COP1: variants seen among roughly 807,000 people sequenced by gnomAD.
The protein encoded by COP1 is COP1 E3 ubiquitin ligase.
A neutral mutation model predicts 101.3 loss-of-function variants in COP1; 24 were observed. That is an observed-to-expected ratio of 0.24 (90% confidence interval 0.17 to 0.33). The LOEUF (loss-of-function observed/expected upper bound fraction) is 0.33, where lower values mean the gene tolerates loss of function less well. Among genes scored for constraint, COP1 ranks in the 10% least tolerant of loss-of-function variants. COP1 has a pLI of 1.00. For synonymous variants in COP1, 347 were observed against 341.9 expected (o/e 1.01, Z -0.17); for missense variants, 663 against 906.2 (o/e 0.73, Z 3.45).
chr1:176,202,229 G>T (rs6672230), intron 1 of COP1, among the ~76,000 whole-genome samples: 2,325 of 129,582 alleles, frequency 0.018, 65 homozygotes, highest in African/African-American at 0.064. Flanking sequence ...TCACTTTGTC[G>T]TCCAGGCTGG....
intron 18 of COP1, among the ~76,000 whole-genome samples, chr1:175,966,756 C>A (rs1348228934): frequency 6.6e-6 from 1 of 152,136 alleles, no homozygotes; most frequent in Non-Finnish European, 1.5e-5. Flanking sequence ...TCCTAAAAGC[C>A]TTGTTACATG....
At chr1:176,131,053 G>A (rs1054196598) in intron 8 of COP1, among the ~76,000 whole-genome samples, 1 of 151,728 alleles carries the variant, frequency 6.6e-6, no homozygotes, top group Non-Finnish European at 1.5e-5. Flanking sequence ...GAAGTTTCTA[G>A]GCAAAAGGAA....
In COP1 at chr1:176,081,196, C is replaced by T. The variant is rs140883474; in HGVS notation, c.1233G>A (p.Leu411=). 1.2e-5 allele frequency: 19 copies of T among 1,609,080 alleles called. No individual in the cohort carries two copies. Among genetic ancestry groups the T allele is most frequent in the African/African-American group, 2.7e-5 (2 of 74,208 alleles). ...CATTATAGAGATCACTAGCATATGA[C>T]AATGTGGCTAAAGGTCGTACTGAAT... The part of the protein sequence containing the change: ...RYNSVRPLAT[L]SYASDLYNGS... Residue 411 remains leucine, a synonymous_variant, in exon 11 of 20, where the codon TTG becomes TTA. Transcript: ENST00000367669.
chr1:176,165,493 G>A (rs774193021), intron 3 of COP1, among the ~76,000 whole-genome samples: 8 of 151,674 alleles, frequency 5.3e-5, no homozygotes, highest in Admixed American at 2.0e-4. Context: ...TCAGGAGTTC[G>A]AGACCAGCCT....
At chr1:176,028,727 A>ATATATATATATG (rs5778886) in intron 14 of COP1, among the ~76,000 whole-genome samples, 3 of 111,750 alleles carry the variant, frequency 2.7e-5, no homozygotes, top group Non-Finnish European at 5.7e-5. Flanking sequence ...ATATATATAT[A>ATATATATATATG]GTTTTATATA....
intron 15 of COP1, among the ~76,000 whole-genome samples, chr1:176,023,848 T>A (rs1194701353): frequency 6.6e-6 from 1 of 152,108 alleles, no homozygotes; most frequent in Non-Finnish European, 1.5e-5. Flanking sequence ...TATCAAATAT[T>A]TAAAGAAAAT....
At chr1:176,056,131 T>C (rs1673436642) in intron 11 of COP1, among the ~76,000 whole-genome samples, 1 of 152,222 alleles carries the variant, frequency 6.6e-6, no homozygotes, top group African/African-American at 2.4e-5. Context: ...AAGTTTGTAA[T>C]AAATGTTTGA....
intron 11 of COP1, among the ~76,000 whole-genome samples, chr1:176,055,813 C>G (rs1673376139): frequency 1.3e-5 from 2 of 151,944 alleles, no homozygotes; most frequent in Non-Finnish European, 1.5e-5. Context: ...ATAATGTATT[C>G]TTATTTTTAT....
At chr1:176,062,007 T>C (rs980700111) in intron 11 of COP1, among the ~76,000 whole-genome samples, 1 of 152,162 alleles carries the variant, frequency 6.6e-6, no homozygotes, top group African/African-American at 2.4e-5. Flanking sequence ...TTATTATTAT[T>C]ATTGTTTTTG....
At chr1:176,144,050 G>A (rs1350052258) in intron 6 of COP1, among the ~76,000 whole-genome samples, 1 of 152,154 alleles carries the variant, frequency 6.6e-6, no homozygotes, top group Non-Finnish European at 1.5e-5. Context: ...TCAGCATCAA[G>A]ACTAGGATGC....
At chr1:176,116,765 A>G (rs1686257385) in intron 8 of COP1, 84 bp from the exon 9 acceptor site, 6 of 924,310 alleles carry the variant, frequency 6.5e-6, no homozygotes, top group South Asian at 6.2e-5. Flanking sequence ...TATATCATAT[A>G]TAAGCCCAGT....
chr1:176,159,957 T>C lies in COP1; in HGVS notation c.762+2912A>G, dbSNP rs75231100. Among the ~76,000 whole-genome samples, 517 of 152,306 alleles carry C rather than the reference T, an allele frequency of 3.4e-3. 5 individuals carry two copies. The highest frequency in any genetic ancestry group is 5.9e-3 in the Non-Finnish European group (399 of 68,032). ...TAGGAAGGAGTATTTCAGAGCCCCATATTATTTTCTGTACTTTTCTGTATG... is the reference window on the plus strand; with the variant it reads ...TAGGAAGGAGTATTTCAGAGCCCCACATTATTTTCTGTACTTTTCTGTATG... On this transcript the variant is annotated intron_variant, in intron 5 of 19. Coordinates refer to ENST00000367669, the MANE Select transcript of COP1 (RefSeq NM_022457.7).
At chr1:176,057,948 C>T (rs1406049125) in intron 11 of COP1, among the ~76,000 whole-genome samples, 1 of 151,908 alleles carries the variant, frequency 6.6e-6, no homozygotes, top group South Asian at 2.1e-4. Flanking sequence ...TGCCCCGCCG[C>T]CCCTTCTGGG....
At chr1:175,988,492 AGTTTGCTG>A (rs1292957567) in intron 16 of COP1, 80 bp from the exon 17 acceptor site, 64 of 1,341,400 alleles carry the variant, frequency 4.8e-5, no homozygotes, top group Non-Finnish European at 6.1e-6. Flanking sequence ...GAGGCAATGC[AGTTTGCTG>A]GTTAAGAATG....
rs767429805 is a variant in COP1 at position 176,081,188 on chromosome 1, G to C, written c.1241C>G (p.Ala414Gly). 1.9e-6 allele frequency: 3 copies of C among 1,609,134 alleles called. No homozygotes were observed. In the South Asian group the frequency reaches 3.3e-5, roughly 18 times the overall value. ...ACTGGAACCATTATAGAGATCACTA[G>C]CATATGACAATGTGGCTAAAGGTCG... ...SVRPLATLSY[A>G]SDLYNGSSIV... The change falls in exon 11 of 20, where the codon GCT (alanine) becomes GGT (glycine). Residue 414 changes from alanine to glycine, a missense_variant. Around this residue, in one of 4 missense-constraint regions of COP1, gnomAD observed 209 missense variants for 383.3 expected, o/e 0.55. Coordinates refer to ENST00000367669, the MANE Select transcript of COP1 (RefSeq NM_022457.7).
At chr1:176,160,217 T>C (rs775714159) in intron 5 of COP1, 8 of 380,806 alleles carry the variant, frequency 2.1e-5, no homozygotes, top group African/African-American at 4.4e-5. Context: ...ACTTTCACTA[T>C]GTAATTATCT....
At chr1:176,168,109 G>A (rs906240760) in intron 3 of COP1, among the ~76,000 whole-genome samples, 1 of 151,726 alleles carries the variant, frequency 6.6e-6, no homozygotes, top group African/African-American at 2.4e-5. Context: ...CCAGGCTGGA[G>A]TGCAATGGTG....
At position 176,206,574 on chromosome 1, in the gene COP1, T is replaced by A; in HGVS notation, c.405A>T (p.Val135=). 2 of 1,602,940 alleles carry A rather than the reference T, an allele frequency of 1.2e-6. No homozygotes were observed. Among genetic ancestry groups the A allele is most frequent in the Non-Finnish European group, 1.7e-6 (2 of 1,175,910 alleles). The part of the protein sequence containing the change: ...NSYEDKSNDF[V]CPICFDMIEE... Reference sequence around the variant, plus strand: ...GAGGGAGTGCTCTTCAAACCCACCATACGAAGTCGTTGCTTTTGTCCTCGT... The same window carrying A: ...GAGGGAGTGCTCTTCAAACCCACCAAACGAAGTCGTTGCTTTTGTCCTCGT... The change falls in exon 1 of 20, where the codon GTA becomes GTT. Residue 135 remains valine (V), a splice_region_variant and synonymous_variant. Transcript: ENST00000367669.
chr1:176,114,078 G>A (rs918021621), intron 9 of COP1, among the ~76,000 whole-genome samples: 1 of 151,678 alleles, frequency 6.6e-6, no homozygotes, highest in African/African-American at 2.4e-5. Context: ...TTGATGTTCT[G>A]TGAAATTATA....
Sources: gnomAD v4.1 joint callset for allele counts (sites outside exome capture counted in the v4.1 genomes callset) on GRCh38, gnomAD v4.1.1 for gene constraint, gnomAD v4.1.1 regional missense constraint, MANE v1.5 for transcripts, NCBI Gene and HGNC (gene_info 2026-07-23, HGNC 2026-07-21) for gene names.